Variants in ARSB observed in about 807,000 individuals in gnomAD.
ARSB encodes arylsulfatase B.
Under a neutral mutation model 50.9 loss-of-function variants are expected in ARSB, and 41 were observed. The observed-to-expected ratio is 0.81, with a 90% CI of 0.63 to 1.04. The LOEUF (loss-of-function observed/expected upper bound fraction) is 1.04. ARSB is among the 50% of genes least tolerant of loss of function. ARSB has a pLI of 0.00. For synonymous variants in ARSB, 269 were observed against 284.8 expected, an observed-to-expected ratio of 0.94 and a Z score of 0.56; for missense variants, 672 against 693.3, an observed-to-expected ratio of 0.97 and a Z score of 0.35.
chr5:78,872,030 G>T (rs1284351957), intron 5 of ARSB, among the ~76,000 whole-genome samples: 5 of 151,526 alleles, frequency 3.3e-5, no homozygotes, highest in Non-Finnish European at 5.9e-5. Flanking sequence ...CTTCTCAAAA[G>T]AAGACATTTA....
At chr5:78,887,172 C>G (rs1748075604) in intron 4 of ARSB, among the ~76,000 whole-genome samples, 1 of 152,188 alleles carries the variant, frequency 6.6e-6, no homozygotes, top group Admixed American at 6.5e-5. Flanking sequence ...ATTTGGCTCA[C>G]AATTCTGATG....
chr5:78,888,332 G>T (rs930693646), intron 4 of ARSB, among the ~76,000 whole-genome samples: 2 of 152,180 alleles, frequency 1.3e-5, no homozygotes, highest in Non-Finnish European at 2.9e-5. Flanking sequence ...CCATGTTCAT[G>T]ATACTGCACA....
intron 5 of ARSB, among the ~76,000 whole-genome samples, chr5:78,856,284 A>G (rs191535960): frequency 2.0e-4 from 30 of 152,284 alleles, no homozygotes; most frequent in Non-Finnish European, 4.0e-4. Flanking sequence ...TACATGTTCT[A>G]AATTCTTGAT....
intron 6 of ARSB, among the ~76,000 whole-genome samples, chr5:78,790,230 T>C (rs1422510411): frequency 6.6e-6 from 1 of 152,142 alleles, no homozygotes; most frequent in Non-Finnish European, 1.5e-5. Context: ...CACAGTAGCA[T>C]AGAACATGCA....
At chr5:78,801,964 G>A (rs1056155581) in intron 6 of ARSB, among the ~76,000 whole-genome samples, 1 of 152,052 alleles carries the variant, frequency 6.6e-6, no homozygotes, top group Non-Finnish European at 1.5e-5. Context: ...AGCAGCCAGC[G>A]TTATCTTAAC....
At chr5:78,941,267 G>A (rs373305121) in intron 4 of ARSB, among the ~76,000 whole-genome samples, 5 of 149,778 alleles carry the variant, frequency 3.3e-5, no homozygotes, top group African/African-American at 9.8e-5. Context: ...CTAATTGAAT[G>A]CCCTTTATTT....
intron 4 of ARSB, among the ~76,000 whole-genome samples, chr5:78,936,324 A>C (rs1261612830): frequency 1.3e-5 from 2 of 151,254 alleles, no homozygotes; most frequent in African/African-American, 2.4e-5. Context: ...AGGTTTTGCC[A>C]TGTTGGCCAG....
intron 5 of ARSB, among the ~76,000 whole-genome samples, chr5:78,851,053 A>G (rs1186809188): frequency 6.6e-6 from 1 of 152,016 alleles, no homozygotes; most frequent in Non-Finnish European, 1.5e-5. Context: ...TTGTGCCTCT[A>G]TCTCCTTCAG....
At chr5:78,890,587 T>C (rs1241868897) in intron 4 of ARSB, among the ~76,000 whole-genome samples, 1 of 152,158 alleles carries the variant, frequency 6.6e-6, no homozygotes, top group Non-Finnish European at 1.5e-5. Flanking sequence ...CGCTTCAAGT[T>C]CCCACCAGAG....
chr5:78,983,022 G>A (rs1752979307), intron 1 of ARSB, among the ~76,000 whole-genome samples: 2 of 152,022 alleles, frequency 1.3e-5, no homozygotes, highest in Non-Finnish European at 2.9e-5. Flanking sequence ...GGATGTTAGG[G>A]GACAAAAGCA....
intron 4 of ARSB, among the ~76,000 whole-genome samples, chr5:78,940,730 C>T (rs1401040108): frequency 6.6e-6 from 1 of 152,216 alleles, no homozygotes; most frequent in Non-Finnish European, 1.5e-5. Context: ...ATGCCTCCAG[C>T]TTTGTTCTTT....
chr5:78,803,204 A>C (rs894319324), intron 6 of ARSB, among the ~76,000 whole-genome samples: 8 of 152,178 alleles, frequency 5.3e-5, no homozygotes, highest in Non-Finnish European at 4.4e-5. Context: ...GCTTTCCTGG[A>C]GAGTGTTTTC....
intron 5 of ARSB, among the ~76,000 whole-genome samples, chr5:78,851,955 T>G (rs924794850): frequency 3.9e-5 from 6 of 152,216 alleles, no homozygotes; most frequent in African/African-American, 1.4e-4. Flanking sequence ...TTTGTGTGTC[T>G]CTGCACATGA....
At chr5:78,787,189 C>G (rs770864424) in intron 6 of ARSB, among the ~76,000 whole-genome samples, 5 of 152,008 alleles carry the variant, frequency 3.3e-5, no homozygotes, top group Non-Finnish European at 1.5e-5. Flanking sequence ...CTCCTGGCCT[C>G]AAGCGATCCA....
Position 78,777,728 on chromosome 5 carries a change from C to T in ARSB, c.*2669G>A, listed in dbSNP as rs1357533023. ...CATAGCCAGGCGTGGTGGTGTATGC[C>T]TGTAATCCAGCTACTTGGGAGGCTG... is the stretch of plus-strand genomic sequence containing the variant. On this transcript the variant is annotated 3_prime_UTR_variant, in exon 8 of 8. Transcript: ENST00000264914. 1 of 151,494 alleles carries T rather than the reference C, an allele frequency of 6.6e-6. No individual in the cohort carries two copies. Among genetic ancestry groups the T allele is most frequent in the African/African-American group, 2.4e-5 (1 of 41,174 alleles). The allele number at this position is 151,494 out of a possible 1,614,324, so 9.4% of individuals were successfully genotyped here.
chr5:78,981,869 TA>T (rs1447602418), intron 1 of ARSB, among the ~76,000 whole-genome samples: 1 of 152,112 alleles, frequency 6.6e-6, no homozygotes, highest in Non-Finnish European at 1.5e-5. Flanking sequence ...AAGGGGTCTG[TA>T]AATATTAACT....
chr5:78,981,681 C>T (rs1752912532), intron 1 of ARSB, among the ~76,000 whole-genome samples: 1 of 152,228 alleles, frequency 6.6e-6, no homozygotes, highest in South Asian at 2.1e-4. Context: ...AGGTCACAGT[C>T]TGACCAGCCA....
At chr5:78,830,447 A>C (rs1395009989) in intron 6 of ARSB, among the ~76,000 whole-genome samples, 1 of 152,136 alleles carries the variant, frequency 6.6e-6, no homozygotes, top group Non-Finnish European at 1.5e-5. Context: ...CCAAACATAA[A>C]ATTGGGGCAG....
intron 4 of ARSB, among the ~76,000 whole-genome samples, chr5:78,943,324 T>C (rs1751033491): frequency 6.6e-6 from 1 of 152,222 alleles, no homozygotes; most frequent in African/African-American, 2.4e-5. Context: ...CCTGTCATGA[T>C]GTTAGCTGGT....
Sources: allele counts gnomAD v4.1 joint callset (sites outside exome capture counted in the v4.1 genomes callset), GRCh38; gene constraint gnomAD v4.1.1; transcripts MANE v1.5; gene names NCBI Gene and HGNC (gene_info 2026-07-23, HGNC 2026-07-21).